PKD1L1: variants seen among roughly 807,000 people sequenced by gnomAD.
PKD1L1 encodes polycystin-1-like protein 1.
Under a neutral mutation model 323.4 loss-of-function variants are expected in PKD1L1, and 236 were observed. The ratio of observed to expected loss-of-function variants is 0.73; its 90% CI spans 0.66 to 0.81. The LOEUF (loss-of-function observed/expected upper bound fraction) is 0.81. PKD1L1 is among the 40% of genes least tolerant of loss of function. The pLI is 0.00. For missense variants in PKD1L1, 3,320 were observed against 3,508.0 expected (o/e 0.95, Z 1.35); for synonymous variants, 1,344 against 1,335.0 (o/e 1.01, Z -0.15).
intron 28 of PKD1L1, 37 bp downstream of exon 28, chr7:47,857,568 G>T: frequency 6.4e-7 from 1 of 1,552,418 alleles, no homozygotes. Flanking sequence ...AATTTGAAAT[G>T]GTCATTAGAA....
At position 47,894,059 on chromosome 7, in the gene PKD1L1, C is replaced by G; in HGVS notation, c.2272G>C (p.Val758Leu). 1 of 1,549,682 alleles carries G rather than the reference C, an allele frequency of 6.5e-7. No homozygotes were observed. The highest frequency in any genetic ancestry group is 1.2e-5 in the South Asian group (1 of 81,126). Residue 758 changes from valine (V) to leucine (L), a missense_variant and splice_region_variant, in exon 15 of 57, where the codon GTT becomes CTT. By Grantham distance (32) the Val-to-Leu change is conservative (BLOSUM62 1). Coordinates refer to ENST00000289672, the MANE Select transcript of PKD1L1 (RefSeq NM_138295.5). ...TACACCACACTGCCTTCAATCTGAA[C>G]CTGCAGGGGCAAGGAAGGACAGGGG... The part of the protein sequence containing the change: ...EYGNYTALAK[V>L]QIEGSVVYSN...
chr7:47,891,065 C>T (rs1258598744), intron 15 of PKD1L1, among the ~76,000 whole-genome samples: 2 of 152,206 alleles, frequency 1.3e-5, no homozygotes, highest in Non-Finnish European at 2.9e-5. Flanking sequence ...ACCTCCTCTG[C>T]TCACATGACT....
intron 15 of PKD1L1, 122 bp downstream of exon 15, chr7:47,893,756 C>T: frequency 1.9e-6 from 2 of 1,046,886 alleles, no homozygotes; most frequent in Non-Finnish European, 2.7e-6. Context: ...AGCAGTTAAA[C>T]TTAACGAAAG....
At chr7:47,947,525 G>A (rs1008011845) in intron 1 of PKD1L1, among the ~76,000 whole-genome samples, 2 of 152,244 alleles carry the variant, frequency 1.3e-5, no homozygotes, top group Non-Finnish European at 1.5e-5. Flanking sequence ...AGGTCACCTT[G>A]CTGGCCTCAC....
At chr7:47,792,505 G>A (rs928011783) in intron 56 of PKD1L1, 122 bp downstream of exon 56, 17 of 968,966 alleles carry the variant, frequency 1.8e-5, no homozygotes, top group Non-Finnish European at 2.4e-5. Context: ...TCAGCAGTAT[G>A]ATATCTAAAG....
chr7:47,896,496 G>GT (rs1461553871), intron 14 of PKD1L1, among the ~76,000 whole-genome samples: 1 of 151,994 alleles, frequency 6.6e-6, no homozygotes, highest in African/African-American at 2.4e-5. Context: ...CATTTTTTAA[G>GT]TATTTTCTGG....
At chr7:47,940,098 T>C in intron 3 of PKD1L1, 95 bp downstream of exon 3, 11 of 1,495,330 alleles carry the variant, frequency 7.4e-6, no homozygotes, top group Non-Finnish European at 1.0e-5. Flanking sequence ...CAATCCCTGA[T>C]GAATTCCTGA....
chr7:47,902,548 T>G, intron 12 of PKD1L1, 37 bp from the exon 13 acceptor site: 1 of 1,605,026 alleles, frequency 6.2e-7, no homozygotes, highest in Non-Finnish European at 8.5e-7. Flanking sequence ...AACAAATTTA[T>G]GTTGATGAAC....
chr7:47,902,468 T>C lies in PKD1L1; in HGVS notation c.1975A>G (p.Ser659Gly). 4.3e-6 allele frequency: 7 copies of C among 1,614,144 alleles called. No homozygotes were observed. Among genetic ancestry groups the C allele is most frequent in the Non-Finnish European group, 5.9e-6 (7 of 1,179,978 alleles). ...TVEVLAFNNV[S>G]ASTLRQQLFI... is the part of the protein sequence containing the mutation. ...AGTTGCTGTCTTAGAGTGGAGGCAC[T>C]GACATTATTGAAGGCAAGGACCTCC... The change falls in exon 13 of 57, where the codon AGT becomes GGT. Residue 659 changes from serine (S) to glycine (G), a missense_variant. Ser to Gly is a moderately conservative substitution (Grantham distance 56). Coordinates refer to ENST00000289672, the MANE Select transcript of PKD1L1 (RefSeq NM_138295.5).
intron 36 of PKD1L1, among the ~76,000 whole-genome samples, chr7:47,838,855 C>T (rs905778293): frequency 3.3e-4 from 37 of 113,326 alleles, no homozygotes; most frequent in Non-Finnish European, 1.6e-4. Context: ...TCCAGCCTGG[C>T]AGTAGAGTGA....
At position 47,888,116 on chromosome 7, in the gene PKD1L1, T is replaced by C. The variant is rs1222586602; in HGVS notation, c.2710A>G (p.Thr904Ala). The C allele has an allele frequency of 6.2e-6, 10 of 1,613,992 alleles. No individual in the cohort carries two copies. The highest frequency in any genetic ancestry group is 1.6e-4 in the Middle Eastern group (1 of 6,084). ...VHISWVSFKD[T>A]FVNWNDELSL... is the part of the protein sequence containing the mutation. ...AGTTCGTCATTCCAGTTGACGAAGG[T>C]GTCTTTAAAGCTGACCCAGGAGATG... The change falls in exon 17 of 57, where the codon ACC becomes GCC. Residue 904 changes from threonine to alanine, a missense_variant. Transcript: ENST00000289672.
At chr7:47,810,351 C>T (rs2128729004) in intron 50 of PKD1L1, among the ~76,000 whole-genome samples, 1 of 152,344 alleles carries the variant, frequency 6.6e-6, no homozygotes, top group Middle Eastern at 3.4e-3. Context: ...CCATTGCTTA[C>T]AATTTCCATA....
In PKD1L1 at chr7:47,843,166, G is replaced by C; in HGVS notation, c.5241C>G (p.His1747Gln). The change falls in exon 34 of 57, where the codon CAC (histidine) becomes CAG (glutamine). Residue 1747 changes from histidine (H) to glutamine (Q), a missense_variant. By Grantham distance (24) the His-to-Gln change is conservative. Transcript: ENST00000289672. Reference protein sequence around the residue: ...EVSDISKLQSHPENLLPSIFI... With the variant: ...EVSDISKLQSQPENLLPSIFI... ...AAATACTGGGAAGCAAGTTTTCTGG[G>C]TGGCTATAAACAAAAGGAGAGATAT... 1 of 1,609,218 alleles carries C rather than the reference G, an allele frequency of 6.2e-7. No homozygotes were observed. The highest frequency in any genetic ancestry group is 8.5e-7 in the Non-Finnish European group (1 of 1,178,012).
Position 47,833,198 on chromosome 7 carries a change from T to C in PKD1L1, c.6229A>G (p.Ser2077Gly), listed in dbSNP as rs1216198565. The change falls in exon 41 of 57, where the codon AGT becomes GGT. Residue 2077 changes from serine to glycine, a missense_variant. Transcript: ENST00000289672. ...GCTGGACAAGCTGTGCCATTGTCAC[T>C]TGCCGCCTTCCTTTGGGCCCTGCCA... Reference protein sequence around the residue: ...GSGRAQRKAASDNGTACPAPK... With the variant: ...GSGRAQRKAAGDNGTACPAPK... The C allele has an allele frequency of 6.2e-7, 1 of 1,612,902 alleles. No homozygotes were observed. The highest frequency in any genetic ancestry group is 1.1e-5 in the South Asian group (1 of 90,738).
At chr7:47,860,205 AGTCTTTACTAC>A (rs1004503925) in intron 26 of PKD1L1, among the ~76,000 whole-genome samples, 34 of 152,244 alleles carry the variant, frequency 2.2e-4, no homozygotes, top group African/African-American at 8.2e-4. Flanking sequence ...CAAAACTACG[AGTCTTTACTAC>A]GTATCTTTTA....
At chr7:47,947,354 G>A (rs528676741) in intron 1 of PKD1L1, among the ~76,000 whole-genome samples, 5 of 152,336 alleles carry the variant, frequency 3.3e-5, no homozygotes, top group Admixed American at 1.3e-4. Context: ...GTGACAACAG[G>A]GGTACTCAGA....
At chr7:47,864,589 T>TTTCG (rs1786109820) in intron 26 of PKD1L1, among the ~76,000 whole-genome samples, 1 of 92,472 alleles carries the variant, frequency 1.1e-5, no homozygotes, top group Non-Finnish European at 2.0e-5. Context: ...TCTTTCTTTC[T>TTTCG]TTCTTTCTTT....
chr7:47,892,187 C>T (rs1786835083), intron 15 of PKD1L1, among the ~76,000 whole-genome samples: 1 of 152,136 alleles, frequency 6.6e-6, no homozygotes, highest in African/African-American at 2.4e-5. Flanking sequence ...AGGGTAGGAT[C>T]TGTCATTTTG....
At chr7:47,864,633 T>TTTCTTTCTTTCC (rs1554404342) in intron 26 of PKD1L1, among the ~76,000 whole-genome samples, 209 of 114,712 alleles carry the variant, frequency 1.8e-3, no homozygotes, top group Non-Finnish European at 2.5e-3. Context: ...TCTTTCTTTC[T>TTTCTTTCTTTCC]TTCCTTCCTT....
Sources: gnomAD v4.1 joint callset for allele counts (sites outside exome capture counted in the v4.1 genomes callset) on GRCh38, gnomAD v4.1.1 for gene constraint, MANE v1.5 for transcripts, NCBI Gene and HGNC (gene_info 2026-07-23, HGNC 2026-07-21) for gene names.